The following LINGO2 variants were observed in gnomAD, a reference collection of about 807,000 sequenced individuals.
LINGO2 encodes the protein leucine rich repeat and Ig domain containing 2, also known as leucine-rich repeat and immunoglobulin-like domain-containing nogo receptor-interacting protein 2.
In LINGO2, 14 loss-of-function variants were observed where a neutral mutation model predicts 30.6. That is an observed-to-expected ratio of 0.46 (90% CI 0.30 to 0.72). The LOEUF (loss-of-function observed/expected upper bound fraction) is 0.72, where lower values mean the gene tolerates loss of function less well. LINGO2 is among the 30% of genes least tolerant of loss of function. The pLI, the probability that LINGO2 is intolerant of heterozygous loss-of-function variation, is 0.07. For synonymous variants in LINGO2, 317 were observed against 288.5 expected, an observed-to-expected ratio of 1.10 and a Z score of -1.00; for missense variants, 729 against 751.7, an observed-to-expected ratio of 0.97 and a Z score of 0.35.
chr9:28,100,290 C>G (rs970282213), intron 4 of LINGO2, among the ~76,000 whole-genome samples: 1 of 152,128 alleles, frequency 6.6e-6, no homozygotes, highest in Non-Finnish European at 1.5e-5. Context: ...ACAAAAATCT[C>G]TTACAATGTG....
chr9:27,953,890 A>T (rs1819436813), intron 5 of LINGO2, among the ~76,000 whole-genome samples: 1 of 152,226 alleles, frequency 6.6e-6, no homozygotes, highest in Admixed American at 6.5e-5. Flanking sequence ...ATGAATATAC[A>T]TACATGTATG....
intron 1 of LINGO2, among the ~76,000 whole-genome samples, chr9:28,549,895 T>C (rs1822183819): frequency 6.6e-6 from 1 of 151,854 alleles, no homozygotes; most frequent in Non-Finnish European, 1.5e-5. Context: ...TTGATAATAA[T>C]TTAACAGGAC....
intron 1 of LINGO2, among the ~76,000 whole-genome samples, chr9:28,553,461 A>C (rs1822429490): frequency 6.6e-6 from 1 of 152,108 alleles, no homozygotes; most frequent in African/African-American, 2.4e-5. Context: ...AAGAATAAAA[A>C]GAAACGAGCA....
chr9:28,286,112 C>T (rs16912661), intron 4 of LINGO2, among the ~76,000 whole-genome samples: 4,588 of 152,268 alleles, frequency 0.03, 213 homozygotes, highest in African/African-American at 0.1. Flanking sequence ...ATATGTCACT[C>T]TGTGATGTCA....
intron 4 of LINGO2, among the ~76,000 whole-genome samples, chr9:28,104,228 G>A (rs961082045): frequency 5.7e-5 from 8 of 141,336 alleles, no homozygotes; most frequent in Non-Finnish European, 9.2e-5. Context: ...AGAGTAAGGA[G>A]TAGGGATTTG....
intron 2 of LINGO2, among the ~76,000 whole-genome samples, chr9:28,433,914 GCTCTCTCTTT>G (rs1325767837): frequency 4.8e-5 from 4 of 83,860 alleles, no homozygotes; most frequent in African/African-American, 1.7e-4. Context: ...AAGAAAATGT[GCTCTCTCTTT>G]CTCTCTCTCT....
Position 28,147,388 on chromosome 9 carries a change from G to A in LINGO2, c.-86-134983C>T, listed in dbSNP as rs1827842973. Among the ~76,000 whole-genome samples, 1 of 152,226 alleles carries A rather than the reference G, an allele frequency of 6.6e-6. No individual in the cohort carries two copies. On this transcript the variant is annotated intron_variant, in intron 4 of 5. Coordinates refer to ENST00000379992, the Ensembl canonical transcript of LINGO2. This position sits in a 1 kb window ranked among gnomAD's most constrained non-coding sequence, Gnocchi z 4.7. ...CTGCCAGGGAGGCATGTGGTAAGAG[G>A]CGCATCCAGTCAGGTCAGGGCACCG...
intron 3 of LINGO2, among the ~76,000 whole-genome samples, chr9:28,325,973 T>C (rs774279657): frequency 2.0e-5 from 3 of 152,160 alleles, no homozygotes; most frequent in Non-Finnish European, 4.4e-5. Flanking sequence ...AGTCTGTCCA[T>C]TGCAATTCTT....
At chr9:28,285,790 A>G (rs915796393) in intron 4 of LINGO2, among the ~76,000 whole-genome samples, 21 of 152,176 alleles carry the variant, frequency 1.4e-4, no homozygotes, top group Admixed American at 5.2e-4. Context: ...TTATAGGTCA[A>G]TCACGACTTC....
intron 2 of LINGO2, among the ~76,000 whole-genome samples, chr9:28,381,495 C>G (rs1464714359): frequency 6.6e-6 from 1 of 151,974 alleles, no homozygotes; most frequent in African/African-American, 2.4e-5. Flanking sequence ...GTGGGGAGTT[C>G]AAATATGTCT....
At position 28,362,403 on chromosome 9, in the gene LINGO2, T is replaced by C. The variant is rs183978590; in HGVS notation, c.-246+10433A>G. Among the ~76,000 whole-genome samples, 12 of 151,668 alleles carry C rather than the reference T, an allele frequency of 7.9e-5. No homozygotes were observed. The East Asian group carries it at 2.3e-3, about 29-fold the overall frequency. On this transcript the variant is annotated intron_variant, in intron 3 of 5. Transcript: ENST00000379992. ...ATTATAGATAAACCAAGAACAAAGA[T>C]TGAGTAACAGAAGAATCAAAAGAAA...
chr9:28,957,503 C>CT, the LINGO2 span, among the ~76,000 whole-genome samples: 1 of 152,092 alleles, frequency 6.6e-6, no homozygotes, highest in East Asian at 1.9e-4. Flanking sequence ...TTCTCTTAAA[C>CT]TTTATGATTT....
chr9:28,090,062 C>A (rs997157377), intron 4 of LINGO2, among the ~76,000 whole-genome samples: 1 of 152,036 alleles, frequency 6.6e-6, no homozygotes, highest in Non-Finnish European at 1.5e-5. Context: ...GAAATTGAGG[C>A]AATAATTAAT....
At chr9:28,982,374 A>G in the LINGO2 span, among the ~76,000 whole-genome samples, 1 of 152,026 alleles carries the variant, frequency 6.6e-6, no homozygotes, top group Non-Finnish European at 1.5e-5. Flanking sequence ...GAATACCCAC[A>G]TTCCTATTCT....
chr9:28,981,774 T>C, the LINGO2 span, among the ~76,000 whole-genome samples: 38,618 of 152,044 alleles, frequency 0.25, 5,150 homozygotes, highest in East Asian at 0.34. Context: ...TTCTACTACA[T>C]GTGAAACAGG....
intron 4 of LINGO2, among the ~76,000 whole-genome samples, chr9:28,059,830 C>G (rs1478857237): frequency 1.3e-5 from 2 of 151,932 alleles, no homozygotes; most frequent in African/African-American, 4.8e-5. Context: ...TGGATTGACG[C>G]TTCTAAACAA....
At chr9:27,951,529 C>A (rs563257173) in intron 5 of LINGO2, among the ~76,000 whole-genome samples, 1 of 152,182 alleles carries the variant, frequency 6.6e-6, no homozygotes, top group Non-Finnish European at 1.5e-5. Context: ...AATGAACTAT[C>A]CCTCTTTCAC....
chr9:28,857,325 T>C, the LINGO2 span, among the ~76,000 whole-genome samples: 754 of 152,208 alleles, frequency 5.0e-3, 2 homozygotes, highest in Non-Finnish European at 8.2e-3. Flanking sequence ...ACTAGCTGTG[T>C]GTTTTAAGCC....
At chr9:28,932,193 G>C in the LINGO2 span, among the ~76,000 whole-genome samples, 10 of 151,834 alleles carry the variant, frequency 6.6e-5, no homozygotes, top group Admixed American at 2.0e-4. Flanking sequence ...TTGGCAATAT[G>C]ACTAATTTTC....
Sources: gnomAD v4.1 joint callset for allele counts (sites outside exome capture counted in the v4.1 genomes callset) on GRCh38, gnomAD v4.1.1 for gene constraint, Gnocchi (gnomAD v3.1) non-coding constraint, MANE v1.5 for transcripts, NCBI Gene and HGNC (gene_info 2026-07-23, HGNC 2026-07-21) for gene names.